COBL: variants seen among roughly 807,000 people sequenced by gnomAD.
The protein encoded by COBL is cordon-bleu WH2 repeat protein, also known as protein cordon-bleu.
COBL carries 51 observed loss-of-function variants against 98.8 expected under a neutral mutation model. That is an observed-to-expected ratio of 0.52 (90% CI 0.41 to 0.65). The LOEUF is 0.65. Ranked by LOEUF, COBL falls within the 30% of genes least tolerant of loss-of-function variation. The pLI is 0.00. For missense variants in COBL, 1,617 were observed against 1,617.5 expected (o/e 1.00, Z 0.01); for synonymous variants, 634 against 651.7 (o/e 0.97, Z 0.41).
chr7:51,083,218 C>A (rs955960889), intron 7 of COBL: 2 of 1,458,230 alleles, frequency 1.4e-6, no homozygotes, highest in Non-Finnish European at 1.8e-6. Context: ...GTGGCACCTG[C>A]CGTCCACCAC....
intron 8 of COBL, among the ~76,000 whole-genome samples, chr7:51,041,146 G>A (rs1789147828): frequency 6.6e-6 from 1 of 152,188 alleles, no homozygotes; most frequent in Non-Finnish European, 1.5e-5. Context: ...ATCTTGTGTG[G>A]GGTAGGCAGG....
intron 1 of COBL, among the ~76,000 whole-genome samples, chr7:51,311,216 G>A (rs994460885): frequency 1.3e-5 from 2 of 152,136 alleles, no homozygotes; most frequent in Non-Finnish European, 2.9e-5. Context: ...ATTGGACTTG[G>A]CCTATAGAAG....
chr7:51,207,457 C>G (rs1791854442), intron 2 of COBL, among the ~76,000 whole-genome samples: 1 of 152,208 alleles, frequency 6.6e-6, no homozygotes, highest in Non-Finnish European at 1.5e-5. Flanking sequence ...CCCTCTCTTT[C>G]CACGGTCTCC....
At chr7:51,217,486 C>T (rs1425192495) in intron 2 of COBL, among the ~76,000 whole-genome samples, 1 of 151,948 alleles carries the variant, frequency 6.6e-6, no homozygotes, top group Admixed American at 6.6e-5. Flanking sequence ...GGATTACAGG[C>T]ATGCGCCACC....
intron 1 of COBL, chr7:51,259,678 G>A: frequency 1.4e-6 from 1 of 737,158 alleles, no homozygotes; most frequent in Admixed American, 1.7e-5. Flanking sequence ...TCTGAGGGAT[G>A]GTCTTATTCT....
chr7:51,089,791 A>ATTT (rs1051183129), intron 6 of COBL, among the ~76,000 whole-genome samples: 4 of 152,112 alleles, frequency 2.6e-5, no homozygotes, highest in Non-Finnish European at 5.9e-5. Flanking sequence ...AAGCAAGCTA[A>ATTT]TTAACATATC....
chr7:51,190,243 T>C (rs181820690), intron 4 of COBL, among the ~76,000 whole-genome samples: 1 of 152,240 alleles, frequency 6.6e-6, no homozygotes, highest in Non-Finnish European at 1.5e-5. Flanking sequence ...AGGGTCTCAC[T>C]CTGTCACCTA....
At chr7:51,274,942 C>A (rs1799151539) in intron 1 of COBL, among the ~76,000 whole-genome samples, 1 of 152,162 alleles carries the variant, frequency 6.6e-6, no homozygotes, top group Non-Finnish European at 1.5e-5. Flanking sequence ...TGCATATGTA[C>A]GCACATGGCT....
chr7:51,088,682 T>C (rs2128946001), intron 6 of COBL, among the ~76,000 whole-genome samples: 1 of 152,322 alleles, frequency 6.6e-6, no homozygotes, highest in African/African-American at 2.4e-5. Flanking sequence ...ATAATATGTA[T>C]GTTTCTGTGT....
At chr7:51,201,076 T>C (rs1288725786) in intron 2 of COBL, among the ~76,000 whole-genome samples, 3 of 151,788 alleles carry the variant, frequency 2.0e-5, no homozygotes, top group African/African-American at 7.3e-5. Flanking sequence ...CCATCTTTAC[T>C]AAAAATACCA....
intron 11 of COBL, 101 bp from the exon 12 acceptor site, chr7:51,025,473 T>C (rs966458382): frequency 4.1e-5 from 51 of 1,257,860 alleles, no homozygotes; most frequent in African/African-American, 3.1e-4. Flanking sequence ...GAGATGAGGA[T>C]TGGGGGTGAC....
chr7:51,083,307 G>A, intron 7 of COBL: 1 of 1,107,324 alleles, frequency 9.0e-7, no homozygotes, highest in Non-Finnish European at 1.2e-6. Flanking sequence ...CAACCTCACT[G>A]GGCACCAGAT....
At chr7:51,142,426 C>T (rs1236441285) in intron 5 of COBL, among the ~76,000 whole-genome samples, 1 of 141,454 alleles carries the variant, frequency 7.1e-6, no homozygotes, top group African/African-American at 2.7e-5. Context: ...ATCTGTCACC[C>T]AGGCCGGAGT....
At chr7:51,166,580 T>C (rs1787338614) in intron 5 of COBL, among the ~76,000 whole-genome samples, 1 of 151,994 alleles carries the variant, frequency 6.6e-6, no homozygotes, top group Non-Finnish European at 1.5e-5. Context: ...CAGGGGAGGA[T>C]GAATACTTCC....
chr7:51,304,148 C>G (rs1421646653), intron 1 of COBL, among the ~76,000 whole-genome samples: 1 of 152,164 alleles, frequency 6.6e-6, no homozygotes, highest in Non-Finnish European at 1.5e-5. Flanking sequence ...GTGAGAGAGG[C>G]AGCCACACCT....
chr7:51,189,671 G>T (rs1002704572), intron 4 of COBL, among the ~76,000 whole-genome samples: 4 of 150,628 alleles, frequency 2.7e-5, no homozygotes, highest in Admixed American at 6.6e-5. Flanking sequence ...CATTTTTGTT[G>T]GAAAAAATTA....
At chr7:51,083,315 G>C in intron 7 of COBL, 1 of 998,578 alleles carries the variant, frequency 1.0e-6, no homozygotes, top group Non-Finnish European at 1.4e-6. Context: ...CTGGGCACCA[G>C]ATCCAGCCAC....
At chr7:51,169,161 T>G (rs1352591622) in intron 5 of COBL, among the ~76,000 whole-genome samples, 1 of 152,196 alleles carries the variant, frequency 6.6e-6, no homozygotes, top group Non-Finnish European at 1.5e-5. Flanking sequence ...CCACAACCCC[T>G]TATTTTAATC....
intron 1 of COBL, among the ~76,000 whole-genome samples, chr7:51,253,759 G>A (rs1796952915): frequency 6.6e-6 from 1 of 152,100 alleles, no homozygotes; most frequent in Admixed American, 6.6e-5. Context: ...ACAGTTATTT[G>A]CCATTTCTTT....
Sources: gnomAD v4.1 joint callset for allele counts (sites outside exome capture counted in the v4.1 genomes callset) on GRCh38, gnomAD v4.1.1 for gene constraint, MANE v1.5 for transcripts, NCBI Gene and HGNC (gene_info 2026-07-23, HGNC 2026-07-21) for gene names.